The following PTPN3 variants were observed in gnomAD, a reference collection of about 807,000 sequenced individuals.
PTPN3 encodes the protein tyrosine-protein phosphatase non-receptor type 3.
In PTPN3, 96 loss-of-function variants were observed where a neutral mutation model predicts 132.7. The ratio of observed to expected loss-of-function variants is 0.72; its 90% CI spans 0.61 to 0.86. The LOEUF (loss-of-function observed/expected upper bound fraction) is 0.86. Ranked by LOEUF, PTPN3 falls within the 40% of genes least tolerant of loss-of-function variation. The probability of loss-of-function intolerance (pLI) is 0.00; values close to 1 mark genes in which losing one functional copy is unlikely to be tolerated. For synonymous variants in PTPN3, 398 were observed against 429.0 expected, an observed-to-expected ratio of 0.93 and a Z score of 0.89; for missense variants, 1,125 against 1,159.6, an observed-to-expected ratio of 0.97 and a Z score of 0.43.
chr9:109,495,916 A>C (rs577665705), intron 1 of PTPN3, among the ~76,000 whole-genome samples: 1 of 152,214 alleles, frequency 6.6e-6, no homozygotes, highest in African/African-American at 2.4e-5. Context: ...GTCTGGCCTG[A>C]CCAGGGCCTG....
At chr9:109,534,038 T>A in the PTPN3 span, 1 of 770,214 alleles carries the variant, frequency 1.3e-6, no homozygotes, top group East Asian at 2.5e-5. Flanking sequence ...CGAAGGTACC[T>A]CCTGGGGTTA....
intron 7 of PTPN3, 33 bp downstream of exon 7, chr9:109,445,207 G>C (rs1460147012): frequency 1.3e-6 from 2 of 1,597,736 alleles, no homozygotes; most frequent in Non-Finnish European, 1.7e-6. Context: ...AGAACAACCT[G>C]TCCATCCGTG....
At chr9:109,515,529 G>C in the PTPN3 span, among the ~76,000 whole-genome samples, 1 of 152,174 alleles carries the variant, frequency 6.6e-6, no homozygotes, top group Non-Finnish European at 1.5e-5. Context: ...GAGCCCAACT[G>C]TGTTAATCCA....
chr9:109,378,680 G>C lies in PTPN3; in HGVS notation c.*876C>G, dbSNP rs1838775164. 1 of 152,548 alleles carries C rather than the reference G, an allele frequency of 6.6e-6. No homozygotes were observed. Among genetic ancestry groups the C allele is most frequent in the Admixed American group, 6.6e-5 (1 of 15,260 alleles). The allele number at this position is 152,548 out of a possible 1,614,324, so 9.4% of individuals were successfully genotyped here. A position where few individuals can be genotyped will look rare whatever the true frequency, so the allele number is the denominator to read the frequency against. On this transcript the variant is annotated 3_prime_UTR_variant, in exon 26 of 26. Transcript: ENST00000374541. ...AGATGACACTGTCCCATCTCCCCTTGGGAAAATCATAAGGTTTCAAGTGGA... is the reference window on the plus strand; with the variant it reads ...AGATGACACTGTCCCATCTCCCCTTCGGAAAATCATAAGGTTTCAAGTGGA...
rs1842952457 is a variant in PTPN3 at position 109,422,574 on chromosome 9, T to C, written c.1136+144A>G. 8.3e-6 allele frequency: 8 copies of C among 959,336 alleles called. No homozygotes were observed. The South Asian group carries it at 9.1e-5, about 11-fold the overall frequency. 59.4% of individuals were successfully genotyped at this position (959,336 alleles called of 1,614,324 possible). ...CATTTAGCTAGACTTGTGTACTTCA[T>C]GAAAACAGTTACTTCTGCCAAGAGC... On this transcript the variant is annotated intron_variant, in intron 13 of 25. Coordinates refer to ENST00000374541, the MANE Select transcript of PTPN3 (RefSeq NM_002829.4).
chr9:109,529,484 C>G, the PTPN3 span, among the ~76,000 whole-genome samples: 1 of 152,178 alleles, frequency 6.6e-6, no homozygotes, highest in South Asian at 2.1e-4. Context: ...TTTTTCACAG[C>G]AGGAATTCTT....
chr9:109,533,605 T>C, the PTPN3 span: 1 of 1,552,880 alleles, frequency 6.4e-7, no homozygotes, highest in Non-Finnish European at 8.8e-7. Context: ...GGAATCGTGG[T>C]CTATATCCCT....
chr9:109,391,163 T>C lies in PTPN3; in HGVS notation c.2081A>G (p.Asp694Gly). Residue 694 changes from aspartate to glycine, a missense_variant, in exon 21 of 26, where the codon GAT becomes GGT. Physicochemically the swap from Asp to Gly is moderately conservative, Grantham distance 94 (BLOSUM62 -1). Transcript: ENST00000374541. ...GTTCACGTAACTTGCATTAATATAA[T>C]CTTCATTTCCCTGCAATAATACCCG... is the stretch of plus-strand genomic sequence containing the variant. Reference protein sequence around the residue: ...TTRVLLQGNEDYINASYVNME... With the variant: ...TTRVLLQGNEGYINASYVNME... 1.2e-6 allele frequency: 2 copies of C among 1,613,682 alleles called. No homozygotes were observed. The highest frequency in any genetic ancestry group is 1.1e-5 in the South Asian group (1 of 90,960).
the PTPN3 span, among the ~76,000 whole-genome samples, chr9:109,536,686 T>C: frequency 6.6e-6 from 1 of 152,014 alleles, no homozygotes; most frequent in Non-Finnish European, 1.5e-5. Context: ...TGAGAAGAGC[T>C]AAGTGGGGGT....
chr9:109,438,247 A>C lies in PTPN3; in HGVS notation c.467-13T>G. On this transcript the variant is annotated splice_polypyrimidine_tract_variant and intron_variant, in intron 7 of 25. Coordinates refer to ENST00000374541, the MANE Select transcript of PTPN3 (RefSeq NM_002829.4). Reference sequence around the variant, plus strand: ...TCTCCAAAATGAGCTATCAAGACAGAAGAAGGGGAAAATCATAATTAGTTT... The same window carrying C: ...TCTCCAAAATGAGCTATCAAGACAGCAGAAGGGGAAAATCATAATTAGTTT... 1 of 1,604,048 alleles carries C rather than the reference A, an allele frequency of 6.2e-7. No homozygotes were observed. The highest frequency in any genetic ancestry group is 8.5e-7 in the Non-Finnish European group (1 of 1,176,744).
intron 18 of PTPN3, among the ~76,000 whole-genome samples, chr9:109,405,136 C>G (rs957814355): frequency 2.0e-5 from 3 of 152,228 alleles, no homozygotes; most frequent in Non-Finnish European, 2.9e-5. Context: ...CCTAGCATCT[C>G]TTCTGTGCTT....
At chr9:109,535,250 C>T in the PTPN3 span, among the ~76,000 whole-genome samples, 7,856 of 152,240 alleles carry the variant, frequency 0.052, 269 homozygotes, top group South Asian at 0.16. Flanking sequence ...TATTCTGGTA[C>T]GTTCTTTATG....
chr9:109,489,097 T>C (rs1052962741), intron 1 of PTPN3, among the ~76,000 whole-genome samples: 19 of 152,352 alleles, frequency 1.2e-4, no homozygotes, highest in African/African-American at 4.1e-4. Context: ...TTACACACCC[T>C]GGCTCTTAAA....
the PTPN3 span, chr9:109,534,373 G>C: frequency 3.4e-6 from 5 of 1,479,176 alleles, no homozygotes; most frequent in Non-Finnish European, 4.5e-6. Context: ...CGGCAGCTGC[G>C]GCTCCTCCCG....
intron 2 of PTPN3, among the ~76,000 whole-genome samples, chr9:109,462,213 T>C (rs1426796209): frequency 6.6e-6 from 1 of 152,218 alleles, no homozygotes; most frequent in Non-Finnish European, 1.5e-5. Context: ...TCTTCTGCAC[T>C]GACAGGGAGA....
chr9:109,514,463 C>A, the PTPN3 span, among the ~76,000 whole-genome samples: 1 of 152,104 alleles, frequency 6.6e-6, no homozygotes, highest in Non-Finnish European at 1.5e-5. Context: ...GGTTTTCATT[C>A]ATTCAGGAAA....
chr9:109,436,077 G>A (rs952854032), intron 9 of PTPN3, among the ~76,000 whole-genome samples: 18 of 152,210 alleles, frequency 1.2e-4, no homozygotes, highest in African/African-American at 4.1e-4. Flanking sequence ...ATGATCACAA[G>A]GTGAGACCTT....
At chr9:109,471,545 C>A (rs1192401350) in intron 1 of PTPN3, among the ~76,000 whole-genome samples, 1 of 152,132 alleles carries the variant, frequency 6.6e-6, no homozygotes, top group African/African-American at 2.4e-5. Context: ...AACTGATAAG[C>A]ACTTATCTAA....
intron 14 of PTPN3, among the ~76,000 whole-genome samples, chr9:109,414,368 C>G (rs1471896121): frequency 6.6e-6 from 1 of 152,214 alleles, no homozygotes. Context: ...CTCTCAGGTG[C>G]TGCAGCTGCT....
Sources: allele counts gnomAD v4.1 joint callset (sites outside exome capture counted in the v4.1 genomes callset), GRCh38; gene constraint gnomAD v4.1.1; transcripts MANE v1.5; gene names NCBI Gene and HGNC (gene_info 2026-07-23, HGNC 2026-07-21).